MNAT1: variants seen among roughly 807,000 people sequenced by gnomAD.
MNAT1 encodes MNAT1 component of CDK activating kinase.
MNAT1 carries 43 observed loss-of-function variants against 42.0 expected under a neutral mutation model. That is an observed-to-expected ratio of 1.02 (90% CI 0.80 to 1.32). The LOEUF (loss-of-function observed/expected upper bound fraction) is 1.32, where lower values mean the gene tolerates loss of function less well. MNAT1 is among the 40% of genes most tolerant of loss of function. MNAT1 has a pLI of 0.00. For synonymous variants in MNAT1, 118 were observed against 120.0 expected, an observed-to-expected ratio of 0.98 and a Z score of 0.11; for missense variants, 306 against 350.4, an observed-to-expected ratio of 0.87 and a Z score of 1.01.
chr14:60,812,085 G>T lies in MNAT1; in HGVS notation c.519G>T (p.Gln173His). Reference protein sequence around the residue: ...LFIQKEEQLQQILKRKNKQAF... With the variant: ...LFIQKEEQLQHILKRKNKQAF... ...TACAAAAAGAAGAACAACTGCAGCA[G>T]ATTCTAAAAAGGAAGAATAAGCAGG... The change falls in exon 5 of 8, where the codon CAG becomes CAT. Residue 173 changes from glutamine to histidine, a missense_variant. By Grantham distance (24) the Gln-to-His change is conservative. Coordinates refer to ENST00000261245, the MANE Select transcript of MNAT1 (RefSeq NM_002431.4). The T allele has an allele frequency of 6.3e-7, 1 of 1,594,344 alleles. No homozygotes were observed. The highest frequency in any genetic ancestry group is 8.5e-7 in the Non-Finnish European group (1 of 1,172,608).
Position 60,734,809 on chromosome 14 carries a change from A to T in MNAT1, c.-54A>T. On this transcript the variant is annotated 5_prime_UTR_variant, in exon 1 of 8. Coordinates refer to ENST00000261245, the MANE Select transcript of MNAT1 (RefSeq NM_002431.4). This position sits in a 1 kb window ranked among gnomAD's most constrained non-coding sequence, Gnocchi z 4.3. ...CTTGGTCGCGTCTGAGGGGGCTTGT[A>T]GGTGGCTCTGGCTGAAACAGGCGCC... 1 of 1,554,150 alleles carries T rather than the reference A, an allele frequency of 6.4e-7. No individual in the cohort carries two copies. The highest frequency in any genetic ancestry group is 8.9e-7 in the Non-Finnish European group (1 of 1,126,218).
Position 60,968,217 on chromosome 14 carries a change from G to C in MNAT1, c.810-12G>C. 1 of 1,591,694 alleles carries C rather than the reference G, an allele frequency of 6.3e-7. No homozygotes were observed. The highest frequency in any genetic ancestry group is 8.6e-7 in the Non-Finnish European group (1 of 1,164,622). ...TTTGTATATCAATGCTACACTTCTT[G>C]TTTTGTTTTAGGTATTTAAACCATG... On this transcript the variant is annotated splice_polypyrimidine_tract_variant and intron_variant, in intron 7 of 7. Coordinates refer to ENST00000261245, the MANE Select transcript of MNAT1 (RefSeq NM_002431.4).
intron 5 of MNAT1, among the ~76,000 whole-genome samples, chr14:60,818,016 A>G (rs548937746): frequency 3.9e-5 from 6 of 152,090 alleles, no homozygotes; most frequent in Admixed American, 3.9e-4. Flanking sequence ...AAATGTCTGG[A>G]TATCATTTAG....
At chr14:60,803,434 G>A (rs1244685635) in intron 3 of MNAT1, among the ~76,000 whole-genome samples, 1 of 152,196 alleles carries the variant, frequency 6.6e-6, no homozygotes, top group Non-Finnish European at 1.5e-5. Context: ...CTAAGAGACA[G>A]GCATTTTTAT....
At chr14:60,745,797 C>G (rs1489911658) in intron 1 of MNAT1, among the ~76,000 whole-genome samples, 1 of 152,116 alleles carries the variant, frequency 6.6e-6, no homozygotes, top group Admixed American at 6.6e-5. Flanking sequence ...TTGTATAGTT[C>G]TGATTACTTT....
At chr14:60,954,979 A>G (rs759222995) in intron 7 of MNAT1, among the ~76,000 whole-genome samples, 3 of 152,052 alleles carry the variant, frequency 2.0e-5, no homozygotes, top group Non-Finnish European at 4.4e-5. Flanking sequence ...TGAGATGATC[A>G]TATGGTTTTT....
chr14:60,851,326 A>G (rs2033814915), intron 6 of MNAT1, among the ~76,000 whole-genome samples: 1 of 152,154 alleles, frequency 6.6e-6, no homozygotes, highest in Non-Finnish European at 1.5e-5. Context: ...TTTTCTCGGC[A>G]AGGATACACA....
intron 7 of MNAT1, among the ~76,000 whole-genome samples, chr14:60,918,672 A>G (rs1274137872): frequency 6.6e-6 from 1 of 151,010 alleles, no homozygotes; most frequent in Non-Finnish European, 1.5e-5. Flanking sequence ...ATGGATGGTC[A>G]AGGTTCTTGT....
In MNAT1 at chr14:60,908,325, T is replaced by C. The variant is rs534306477; in HGVS notation, c.809+28490T>C. Among the ~76,000 whole-genome samples the C allele has an allele frequency of 2.6e-5, 4 of 152,342 alleles. No individual in the cohort carries two copies. In the East Asian group the frequency reaches 7.7e-4, roughly 29 times the overall value. On this transcript the variant is annotated intron_variant, in intron 7 of 7. Transcript: ENST00000261245. The stretch of plus-strand genomic sequence containing the variant: ...TGGATTGTTATTTTTTTCTTTATTT[T>C]TTATTTTTATTATACTTTAAGTTTT...
chr14:60,837,666 G>T (rs533983386), intron 6 of MNAT1, among the ~76,000 whole-genome samples: 2 of 152,252 alleles, frequency 1.3e-5, no homozygotes, highest in South Asian at 4.1e-4. Flanking sequence ...TTCCTATTTG[G>T]CCATCTTGCC....
intron 7 of MNAT1, among the ~76,000 whole-genome samples, chr14:60,938,973 G>C (rs2036073151): frequency 6.6e-6 from 1 of 152,174 alleles, no homozygotes; most frequent in African/African-American, 2.4e-5. Flanking sequence ...GGGTGTATGT[G>C]TCAAGGAATT....
At position 60,796,349 on chromosome 14, in the gene MNAT1, C is replaced by T. The variant is rs113043441; in HGVS notation, c.222C>T (p.Ile74=). The T allele has an allele frequency of 6.4e-4, 1,027 of 1,611,472 alleles. 2 individuals carry two copies. Among genetic ancestry groups the T allele is most frequent in the African/African-American group, 5.5e-3 (413 of 74,800 alleles). The change falls in exon 2 of 8, where the codon ATC becomes ATT. Residue 74 remains isoleucine, a synonymous_variant. Transcript: ENST00000261245. ...CCACTGTTGACAAGGAGGTTGAGAT[C>T]AGGAAAAAAGTGCTAAAGATGTAAG... The part of the protein sequence containing the change: ...EDPTVDKEVE[I]RKKVLKIYNK...
chr14:60,845,867 A>G (rs1056761823), intron 6 of MNAT1, among the ~76,000 whole-genome samples: 2 of 152,106 alleles, frequency 1.3e-5, no homozygotes, highest in African/African-American at 2.4e-5. Context: ...AGACTTTAGT[A>G]TGAGGATAAT....
chr14:60,943,041 TGTGTGTGTGCGC>T (rs2036205961), intron 7 of MNAT1, among the ~76,000 whole-genome samples: 3 of 107,100 alleles, frequency 2.8e-5, no homozygotes, highest in Admixed American at 9.5e-5. Flanking sequence ...TGTGTGTGTG[TGTGTGTGTGCGC>T]TTTTTTTTTT....
At chr14:60,943,011 TG>T in intron 7 of MNAT1, among the ~76,000 whole-genome samples, 2 of 42,788 alleles carry the variant, frequency 4.7e-5, no homozygotes, top group African/African-American at 1.4e-4. Flanking sequence ...GTAGTGTGTG[TG>T]TGTGTGTGTG....
chr14:60,880,145 T>G (rs4151298), intron 7 of MNAT1: 7 of 189,282 alleles, frequency 3.7e-5, no homozygotes, highest in African/African-American at 1.6e-4. Context: ...GGGCTTAATT[T>G]AGTTAGTAGT....
chr14:60,826,412 G>T (rs969945050), intron 6 of MNAT1, among the ~76,000 whole-genome samples: 1 of 149,648 alleles, frequency 6.7e-6, no homozygotes, highest in Non-Finnish European at 1.5e-5. Context: ...TGCCTCCTGG[G>T]TTCAAGTGAT....
chr14:60,772,213 G>C (rs1416388058), intron 1 of MNAT1, among the ~76,000 whole-genome samples: 2 of 152,180 alleles, frequency 1.3e-5, no homozygotes, highest in African/African-American at 2.4e-5. Context: ...ATTGTGCTCT[G>C]ATTGCACCAC....
intron 3 of MNAT1, chr14:60,799,535 A>T: frequency 2.6e-6 from 1 of 385,888 alleles, no homozygotes; most frequent in Non-Finnish European, 3.5e-6. Context: ...AAAGGAAATT[A>T]TAGGTGTTGC....
Sources: gnomAD v4.1 joint callset for allele counts (sites outside exome capture counted in the v4.1 genomes callset) on GRCh38, gnomAD v4.1.1 for gene constraint, Gnocchi (gnomAD v3.1) non-coding constraint, MANE v1.5 for transcripts, NCBI Gene and HGNC (gene_info 2026-07-23, HGNC 2026-07-21) for gene names.